The following GLI2 variants were observed in gnomAD, a reference collection of about 807,000 sequenced individuals.
The protein encoded by GLI2 is GLI family zinc finger 2.
In GLI2, 22 loss-of-function variants were observed where a neutral mutation model predicts 78.9. That is an observed-to-expected ratio of 0.28 (90% CI 0.20 to 0.40). GLI2 has a LOEUF of 0.40. Ranked by LOEUF, GLI2 falls within the 10% of genes least tolerant of loss-of-function variation. GLI2 has a pLI of 1.00. For missense variants in GLI2, 2,097 were observed against 2,213.2 expected (o/e 0.95, Z 1.05); for synonymous variants, 974 against 963.7 (o/e 1.01, Z -0.20).
chr2:120,988,690 A>C lies in GLI2; in HGVS notation c.2725A>C (p.Thr909Pro). 7.8e-7 allele frequency: 1 copy of C among 1,283,566 alleles called. No individual in the cohort carries two copies. The highest frequency in any genetic ancestry group is 9.9e-7 in the Non-Finnish European group (1 of 1,010,350). The allele number at this position is 1,283,566 out of a possible 1,614,324, so 79.5% of individuals were successfully genotyped here. The change falls in exon 14 of 14, where the codon ACG becomes CCG. Residue 909 changes from threonine (T) to proline (P), a missense_variant. Physicochemically the swap from Thr to Pro is conservative, Grantham distance 38 (BLOSUM62 -1). Coordinates refer to ENST00000361492, the MANE Select transcript of GLI2 (RefSeq NM_001374353.1). ...RLALLDAPER[T>P]LPAGCPRPLG... ...GGCGCTGCTGGACGCGCCCGAGCGC[A>C]CGCTGCCCGCCGGCTGCCCACGCCC...
chr2:120,826,624 C>CAGATTAGGGA (rs1686076363), intron 2 of GLI2, among the ~76,000 whole-genome samples: 1 of 152,170 alleles, frequency 6.6e-6, no homozygotes, highest in African/African-American at 2.4e-5. Context: ...AGATGGGATT[C>CAGATTAGGGA]CCTGCATTGC....
chr2:120,881,805 GGGGGAGAACAGTCGTGGGGACAGTAGA>G (rs1677163650), intron 2 of GLI2, among the ~76,000 whole-genome samples: 1 of 996 alleles, frequency 1.0e-3, no homozygotes, highest in African/African-American at 4.1e-3. Context: ...AGAAGACAGT[GGGGGAGAACAGTCGTGGGGACAGTAGA>G]GGGCAAGACA....
At chr2:120,820,349 C>A (rs1485104372) in intron 2 of GLI2, among the ~76,000 whole-genome samples, 3 of 152,218 alleles carry the variant, frequency 2.0e-5, no homozygotes, top group African/African-American at 7.2e-5. Context: ...GGGGACTGTG[C>A]ACTTTCATCC....
intron 1 of GLI2, among the ~76,000 whole-genome samples, chr2:120,782,889 G>A (rs1317113368): frequency 1.3e-5 from 2 of 152,236 alleles, no homozygotes; most frequent in Admixed American, 6.5e-5. Context: ...GAGTAGAACA[G>A]GAGGTTGACT....
At chr2:120,817,280 A>G (rs936833243) in intron 2 of GLI2, among the ~76,000 whole-genome samples, 4 of 152,168 alleles carry the variant, frequency 2.6e-5, no homozygotes, top group Admixed American at 1.3e-4. Context: ...CTCGGTATGA[A>G]GCCACCCCCA....
Position 120,990,768 on chromosome 2 carries a change from G to A in GLI2, c.*93G>A. ...CTGTCTTGTCTTTTTCCAAAAAAGT[G>A]TTAAATAGGCTTGAGGGGTTGTTGC... On this transcript the variant is annotated 3_prime_UTR_variant, in exon 14 of 14. Transcript: ENST00000361492. 1 of 1,110,274 alleles carries A rather than the reference G, an allele frequency of 9.0e-7. No individual in the cohort carries two copies. The highest frequency in any genetic ancestry group is 1.6e-5 in the African/African-American group (1 of 64,224). 68.8% of individuals were successfully genotyped at this position (1,110,274 alleles called of 1,614,324 possible).
chr2:120,750,143 G>A (rs998994011), intron 1 of GLI2, among the ~76,000 whole-genome samples: 4 of 152,210 alleles, frequency 2.6e-5, no homozygotes, highest in Admixed American at 6.5e-5. Flanking sequence ...GTGGCCCCTC[G>A]TGTCCCTGTC....
intron 5 of GLI2, among the ~76,000 whole-genome samples, chr2:120,967,282 C>G (rs1368408354): frequency 6.6e-6 from 1 of 152,232 alleles, no homozygotes; most frequent in South Asian, 2.1e-4. Flanking sequence ...TACCATGGGC[C>G]AGGTGCTTCT....
intron 8 of GLI2, among the ~76,000 whole-genome samples, chr2:120,972,874 A>C (rs760077334): frequency 3.9e-5 from 6 of 152,136 alleles, no homozygotes; most frequent in East Asian, 1.9e-4. Context: ...CTTCTGCTCC[A>C]AGACAGCATG....
intron 2 of GLI2, among the ~76,000 whole-genome samples, chr2:120,924,801 T>C (rs1291877942): frequency 6.6e-6 from 1 of 152,188 alleles, no homozygotes; most frequent in Non-Finnish European, 1.5e-5. Flanking sequence ...AATTCATAGT[T>C]TGATGATGGA....
chr2:120,905,436 C>T (rs946907048), intron 2 of GLI2, among the ~76,000 whole-genome samples: 1 of 152,192 alleles, frequency 6.6e-6, no homozygotes, highest in Non-Finnish European at 1.5e-5. Flanking sequence ...GGTATGTGAT[C>T]CTGCTTCTGC....
At chr2:120,792,033 G>C (rs1449830444) in intron 1 of GLI2, among the ~76,000 whole-genome samples, 1 of 152,202 alleles carries the variant, frequency 6.6e-6, no homozygotes, top group African/African-American at 2.4e-5. Context: ...CTCTGTGGTG[G>C]CTGTGACTGC....
chr2:120,932,564 A>G (rs1679995985), intron 3 of GLI2, among the ~76,000 whole-genome samples: 1 of 152,144 alleles, frequency 6.6e-6, no homozygotes, highest in Non-Finnish European at 1.5e-5. Context: ...CCCATTGCCG[A>G]ACCCTCCCTA....
At chr2:120,851,912 C>A (rs529268824) in intron 2 of GLI2, among the ~76,000 whole-genome samples, 5 of 152,330 alleles carry the variant, frequency 3.3e-5, no homozygotes, top group South Asian at 2.1e-4. Context: ...CATTTGAGAA[C>A]TGAAAGCTTA....
At chr2:120,769,634 G>A (rs368480798) in intron 1 of GLI2, among the ~76,000 whole-genome samples, 29 of 152,196 alleles carry the variant, frequency 1.9e-4, no homozygotes, top group East Asian at 3.8e-4. Flanking sequence ...ATGCATGTGC[G>A]TGCATGCATG....
At chr2:120,926,373 T>G (rs1473631098) in intron 2 of GLI2, among the ~76,000 whole-genome samples, 1 of 152,118 alleles carries the variant, frequency 6.6e-6, no homozygotes, top group East Asian at 1.9e-4. Flanking sequence ...TCCTAAAAAT[T>G]TGTCTGCATT....
At chr2:120,896,701 A>ACACACACT (rs1677979571) in intron 2 of GLI2, among the ~76,000 whole-genome samples, 1 of 39,746 alleles carries the variant, frequency 2.5e-5, no homozygotes, top group South Asian at 1.2e-3. Flanking sequence ...ACCCATACAC[A>ACACACACT]CACACACACA....
Position 120,842,077 on chromosome 2 carries a change from A to AC in GLI2, c.148+44610dup, listed in dbSNP as rs1553455556. ...TCAACTCAAAAAAAAAAAAAAAAAA[A>AC]CAGACTTCTTTGCTTAAAGTTGATG... On this transcript the variant is annotated intron_variant, in intron 2 of 13. Transcript: ENST00000361492. Among the ~76,000 whole-genome samples, 1,250 of 146,804 alleles carry AC rather than the reference A, an allele frequency of 8.5e-3. 20 individuals are homozygous for AC. Among genetic ancestry groups the AC allele is most frequent in the African/African-American group, 0.031 (1,186 of 38,356 alleles).
At chr2:120,917,028 T>A (rs571490089) in intron 2 of GLI2, among the ~76,000 whole-genome samples, 1 of 152,260 alleles carries the variant, frequency 6.6e-6, no homozygotes, top group African/African-American at 2.4e-5. Context: ...AGCAGAGTCT[T>A]GCTCCATGGG....
Sources: gnomAD v4.1 joint callset for allele counts (sites outside exome capture counted in the v4.1 genomes callset) on GRCh38, gnomAD v4.1.1 for gene constraint, MANE v1.5 for transcripts, NCBI Gene and HGNC (gene_info 2026-07-23, HGNC 2026-07-21) for gene names.